Variants in MPRIP observed in about 807,000 individuals in gnomAD.
The protein encoded by MPRIP is myosin phosphatase Rho-interacting protein.
Under a neutral mutation model 234.9 loss-of-function variants are expected in MPRIP, and 59 were observed. The observed-to-expected ratio is 0.25, with a 90% confidence interval of 0.20 to 0.31. The LOEUF is 0.31. Ranked by LOEUF, MPRIP falls within the 10% of genes least tolerant of loss-of-function variation. The pLI is 1.00. For missense variants in MPRIP, 2,436 were observed against 3,071.0 expected (o/e 0.79, Z 4.89); for synonymous variants, 1,144 against 1,263.9 (o/e 0.91, Z 2.01).
intron 16 of MPRIP, chr17:17,171,424 G>C (rs1567815): frequency 0.13 from 40,218 of 313,618 alleles, 4,047 homozygotes; most frequent in East Asian, 0.31. Flanking sequence ...ATAGCAGCCT[G>C]TCCCCACCTA....
chr17:17,120,858 T>G lies in MPRIP; in HGVS notation c.268-5844T>G, dbSNP rs75900054. Among the ~76,000 whole-genome samples, 11 of 152,308 alleles carry G rather than the reference T, an allele frequency of 7.2e-5. No homozygotes were observed. In the East Asian group the frequency reaches 2.1e-3, roughly 29 times the overall value. On this transcript the variant is annotated intron_variant, in intron 3 of 23. Transcript: ENST00000651222. ...TTCTGGCTGGATTTGGGTTACAGCC[T>G]AGATATTTGCCCTTACTCTCGCAGC...
At chr17:17,172,910 C>T in intron 18 of MPRIP, 95 bp downstream of exon 18, 1 of 1,170,096 alleles carries the variant, frequency 8.5e-7, no homozygotes, top group Non-Finnish European at 1.2e-6. Flanking sequence ...TTGCAGAGGC[C>T]TCCAGAAGTG....
chr17:17,063,758 C>T (rs546192451), intron 1 of MPRIP, among the ~76,000 whole-genome samples: 2 of 152,320 alleles, frequency 1.3e-5, no homozygotes, highest in South Asian at 4.1e-4. Flanking sequence ...ACAGGCCACA[C>T]GGAGTGAGAG....
At position 17,187,444 on chromosome 17, in the gene MPRIP, A is replaced by C. The variant is rs575016581; in HGVS notation, c.*2550A>C. ...GTCCTGGCGTTTCTGAAGAGCCCTC[A>C]TACAGGGACAGCCACCATCTGGGTC... On this transcript the variant is annotated 3_prime_UTR_variant, in exon 24 of 24. Coordinates refer to ENST00000651222, the MANE Select transcript of MPRIP (RefSeq NM_001364716.4). The C allele has an allele frequency of 7.2e-5, 11 of 152,372 alleles. No individual in the cohort carries two copies. Among genetic ancestry groups the C allele is most frequent in the African/African-American group, 2.6e-4 (11 of 41,582 alleles). 9.4% of individuals were successfully genotyped at this position (152,372 alleles called of 1,614,324 possible). A position where few individuals can be genotyped will look rare whatever the true frequency, so the allele number is the denominator to read the frequency against.
intron 1 of MPRIP, among the ~76,000 whole-genome samples, chr17:17,044,817 C>G (rs1450108278): frequency 6.6e-6 from 1 of 152,104 alleles, no homozygotes; most frequent in Non-Finnish European, 1.5e-5. Context: ...TCACTGTATT[C>G]AAAGTTGAAT....
intron 5 of MPRIP, among the ~76,000 whole-genome samples, chr17:17,132,867 A>C (rs995798785): frequency 3.3e-5 from 5 of 152,232 alleles, no homozygotes; most frequent in Non-Finnish European, 5.9e-5. Context: ...CCTGCTGGGG[A>C]ACAGCAGTTA....
intron 17 of MPRIP, among the ~76,000 whole-genome samples, chr17:17,172,456 A>G (rs79791881): frequency 6.6e-6 from 1 of 151,594 alleles, no homozygotes; most frequent in African/African-American, 2.4e-5. Context: ...TTCTAACACC[A>G]AAAAAAAAGC....
Position 17,161,182 on chromosome 17 carries a change from C to T in MPRIP, c.2401-58C>T. 3.2e-6 allele frequency: 4 copies of T among 1,255,832 alleles called. No homozygotes were observed. In the South Asian group the frequency reaches 5.3e-5, roughly 17 times the overall value. The allele number at this position is 1,255,832 out of a possible 1,614,324, so 77.8% of individuals were successfully genotyped here. On this transcript the variant is annotated intron_variant, in intron 14 of 23. Coordinates refer to ENST00000651222, the MANE Select transcript of MPRIP (RefSeq NM_001364716.4). ...GACCAGTGAAAGAGTCTGTGCTGTG[C>T]AGCTGCTTTGTTTATCATTGTCATT...
intron 10 of MPRIP, 44 bp from the exon 11 acceptor site, chr17:17,147,275 A>G (rs367612838): frequency 3.2e-5 from 50 of 1,581,048 alleles, no homozygotes; most frequent in Non-Finnish European, 3.7e-5. Flanking sequence ...GGCATGCTGT[A>G]TAGGAGTTGG....
intron 5 of MPRIP, among the ~76,000 whole-genome samples, chr17:17,135,216 T>C (rs933962192): frequency 1.6e-4 from 25 of 152,176 alleles, no homozygotes; most frequent in Admixed American, 1.6e-3. Context: ...CAGAGTCAAG[T>C]TAGGGTTCTC....
chr17:17,142,373 C>G, intron 7 of MPRIP: 1 of 427,022 alleles, frequency 2.3e-6, no homozygotes, highest in South Asian at 2.7e-5. Context: ...CCGAGTGGGT[C>G]AGCACCACAG....
chr17:17,125,159 C>T (rs1230917863), intron 3 of MPRIP, among the ~76,000 whole-genome samples: 1 of 152,254 alleles, frequency 6.6e-6, no homozygotes, highest in East Asian at 1.9e-4. Flanking sequence ...CTGGAAGAGA[C>T]ACCTGCGGGC....
chr17:17,127,268 G>A lies in MPRIP; in HGVS notation c.419+415G>A, dbSNP rs140501061. Among the ~76,000 whole-genome samples the A allele has an allele frequency of 2.5e-3, 376 of 152,342 alleles. 4 individuals are homozygous for A. In the Middle Eastern group the frequency reaches 0.031, roughly 12 times the overall value. On this transcript the variant is annotated intron_variant, in intron 4 of 23. Coordinates refer to ENST00000651222, the MANE Select transcript of MPRIP (RefSeq NM_001364716.4). ...CTATGAAAGCGCCAGGTTATCTGCTGTGTCCACGTGTGTCTCTGTCAGTGG... is the reference window on the plus strand; with the variant it reads ...CTATGAAAGCGCCAGGTTATCTGCTATGTCCACGTGTGTCTCTGTCAGTGG...
chr17:17,146,093 G>T lies in MPRIP; in HGVS notation c.1560+1G>T. The stretch of plus-strand genomic sequence containing the variant: ...GACTAAGCAGTATGAGGACGGCCAG[G>T]TGAGTGTGCAGGGTTGCCGTGGCCC... On this transcript the variant is annotated splice_donor_variant, in intron 10 of 23. Coordinates refer to ENST00000651222, the MANE Select transcript of MPRIP (RefSeq NM_001364716.4). LOFTEE classifies it high-confidence loss of function. 1 of 1,613,912 alleles carries T rather than the reference G, an allele frequency of 6.2e-7. No homozygotes were observed. Among genetic ancestry groups the T allele is most frequent in the Admixed American group, 1.7e-5 (1 of 60,012 alleles).
At chr17:17,125,891 A>T (rs573388450) in intron 3 of MPRIP, among the ~76,000 whole-genome samples, 1 of 152,294 alleles carries the variant, frequency 6.6e-6, no homozygotes, top group Admixed American at 6.5e-5. Context: ...GAGTGTGTTA[A>T]GGACAGGGGC....
chr17:17,190,369 T>C lies in MPRIP; in HGVS notation c.*5475T>C, dbSNP rs1180271246. ...CTTAGAGGGGGCTCTTCGTTTTACC[T>C]TTGTACAGTTCTTGTGTTTACACAT... On this transcript the variant is annotated 3_prime_UTR_variant, in exon 24 of 24. Coordinates refer to ENST00000651222, the MANE Select transcript of MPRIP (RefSeq NM_001364716.4). 1 of 152,262 alleles carries C rather than the reference T, an allele frequency of 6.6e-6. No individual in the cohort carries two copies. Among genetic ancestry groups the C allele is most frequent in the Non-Finnish European group, 1.5e-5 (1 of 68,062 alleles). The allele number at this position is 152,262 out of a possible 1,614,324, so 9.4% of individuals were successfully genotyped here.
At position 17,047,143 on chromosome 17, in the gene MPRIP, A is replaced by G. The variant is rs930326103; in HGVS notation, c.123+4172A>G. ...TTGCATTGAGCCAAGATCGTGCCAC[A>G]GCACTGCAGCCTGGGCAACAAAGTG... On this transcript the variant is annotated intron_variant, in intron 1 of 23. Coordinates refer to ENST00000651222, the MANE Select transcript of MPRIP (RefSeq NM_001364716.4). Among the ~76,000 whole-genome samples the G allele has an allele frequency of 2.0e-5, 3 of 152,214 alleles. No homozygotes were observed. In the East Asian group the frequency reaches 5.8e-4, roughly 29 times the overall value.
chr17:17,143,734 G>C (rs1299922358), intron 9 of MPRIP, 65 bp downstream of exon 9: 4 of 1,073,108 alleles, frequency 3.7e-6, no homozygotes, highest in Admixed American at 4.6e-5. Flanking sequence ...CTGAGGCGCT[G>C]TCTGTTTCTG....
intron 3 of MPRIP, among the ~76,000 whole-genome samples, chr17:17,115,368 G>A (rs1158976092): frequency 6.6e-6 from 1 of 152,234 alleles, no homozygotes; most frequent in Non-Finnish European, 1.5e-5. Context: ...TAGGAAGCCT[G>A]GGCCTGAGTT....
Sources: allele counts gnomAD v4.1 joint callset (sites outside exome capture counted in the v4.1 genomes callset), GRCh38; gene constraint gnomAD v4.1.1; transcripts MANE v1.5; gene names NCBI Gene and HGNC (gene_info 2026-07-23, HGNC 2026-07-21).